Variants in ST18 observed in about 807,000 individuals in gnomAD.
The protein encoded by ST18 is suppression of tumorigenicity 18 protein.
ST18 carries 50 observed loss-of-function variants against 110.0 expected under a neutral mutation model. The ratio of observed to expected loss-of-function variants is 0.45; its 90% confidence interval spans 0.36 to 0.58. The LOEUF (loss-of-function observed/expected upper bound fraction) is 0.58, where lower values mean the gene tolerates loss of function less well. ST18 is among the 20% of genes least tolerant of loss of function. ST18 has a pLI of 0.00. For synonymous variants in ST18, 461 were observed against 452.4 expected (o/e 1.02, Z -0.24); for missense variants, 1,306 against 1,280.1 (o/e 1.02, Z -0.31).
intron 18 of ST18, among the ~76,000 whole-genome samples, chr8:52,136,967 G>A (rs1445830231): frequency 6.6e-6 from 1 of 152,180 alleles, no homozygotes; most frequent in Non-Finnish European, 1.5e-5. Flanking sequence ...GCACAGCCAG[G>A]TGATGGTGCT....
chr8:52,365,308 A>G (rs1353482390), intron 2 of ST18, among the ~76,000 whole-genome samples: 2 of 152,192 alleles, frequency 1.3e-5, no homozygotes, highest in Non-Finnish European at 2.9e-5. Context: ...CCAAAGCTAA[A>G]TGACTGACTC....
intron 2 of ST18, among the ~76,000 whole-genome samples, chr8:52,330,938 A>G (rs2140065517): frequency 6.6e-6 from 1 of 152,316 alleles, no homozygotes; most frequent in South Asian, 2.1e-4. Flanking sequence ...AGACAGAGAG[A>G]TGGAGAGGCA....
chr8:52,349,990 T>C (rs541391071), intron 2 of ST18, among the ~76,000 whole-genome samples: 30 of 152,084 alleles, frequency 2.0e-4, no homozygotes, highest in African/African-American at 6.7e-4. Flanking sequence ...GATCAGGAAT[T>C]CAACACAGCA....
intron 8 of ST18, among the ~76,000 whole-genome samples, chr8:52,207,931 A>G (rs1157886431): frequency 6.6e-6 from 1 of 152,244 alleles, no homozygotes; most frequent in African/African-American, 2.4e-5. Flanking sequence ...AATAAAAGAA[A>G]AGAGCAGAGA....
intron 8 of ST18, among the ~76,000 whole-genome samples, chr8:52,204,342 A>C (rs1449640829): frequency 1.3e-5 from 2 of 152,224 alleles, no homozygotes; most frequent in African/African-American, 4.8e-5. Context: ...AGTAAAGTCC[A>C]ACCTATGGTC....
intron 25 of ST18, among the ~76,000 whole-genome samples, chr8:52,113,954 G>GTTTTTTTTTTTTTTTTTTTTTTTTTTTTT (rs1158213340): frequency 2.2e-5 from 1 of 45,422 alleles, no homozygotes; most frequent in African/African-American, 8.2e-5. Context: ...TTCATACCGT[G>GTTTTTTTTTTTTTTTTTTTTTTTTTTTTT]TTTTTTTTTT....
In ST18 at chr8:52,137,425, G is replaced by C; in HGVS notation, c.2227C>G (p.Arg743Gly). 1 of 1,614,108 alleles carries C rather than the reference G, an allele frequency of 6.2e-7. No individual in the cohort carries two copies. Among genetic ancestry groups the C allele is most frequent in the Non-Finnish European group, 8.5e-7 (1 of 1,180,006 alleles). Residue 743 changes from arginine to glycine, a missense_variant, in exon 18 of 26, where the codon CGC (arginine) becomes GGC (glycine). By Grantham distance (125) the Arg-to-Gly change is moderately radical (BLOSUM62 -2). Transcript: ENST00000689386. ...GHVTGNYASH[R>G]SVSGCPLADK... The stretch of plus-strand genomic sequence containing the variant: ...GCACATGAGGTCATTGGGTACCTGC[G>C]ATGAGATGCATAGTTTCCTGTCACG...
chr8:52,346,042 A>T (rs1257002697), intron 2 of ST18, among the ~76,000 whole-genome samples: 1 of 152,052 alleles, frequency 6.6e-6, no homozygotes, highest in Non-Finnish European at 1.5e-5. Flanking sequence ...ACCCCAGAGG[A>T]ATTAGAGTAA....
At chr8:52,315,113 C>A (rs1164730675) in intron 2 of ST18, among the ~76,000 whole-genome samples, 1 of 152,140 alleles carries the variant, frequency 6.6e-6, no homozygotes, top group Non-Finnish European at 1.5e-5. Flanking sequence ...CATTGCTTAT[C>A]CAGAAGTAAA....
At chr8:52,265,074 A>G (rs1221761688) in intron 2 of ST18, among the ~76,000 whole-genome samples, 1 of 152,218 alleles carries the variant, frequency 6.6e-6, no homozygotes, top group Non-Finnish European at 1.5e-5. Context: ...GCTGAGAATG[A>G]CTGGGTAAGA....
intron 2 of ST18, among the ~76,000 whole-genome samples, chr8:52,233,498 G>C (rs533139685): frequency 6.6e-6 from 1 of 152,220 alleles, no homozygotes; most frequent in East Asian, 1.9e-4. Flanking sequence ...ACACTCTGTT[G>C]TCATGGTGTA....
Position 52,155,127 on chromosome 8 carries a change from A to G in ST18, c.1806+3771T>C, listed in dbSNP as rs550303479. On this transcript the variant is annotated intron_variant, in intron 15 of 25. Transcript: ENST00000689386. The stretch of plus-strand genomic sequence containing the variant: ...TGAGGCAGGAGAATCACTTGAACCC[A>G]GAAAGCAGAGGTTGCAGTGAGTGAA... 5.3e-5 allele frequency among the ~76,000 whole-genome samples: 8 copies of G among 151,974 alleles called. No individual in the cohort carries two copies. The South Asian group carries it at 1.2e-3, about 24-fold the overall frequency.
At chr8:52,366,559 C>T (rs879616104) in intron 2 of ST18, among the ~76,000 whole-genome samples, 2 of 152,148 alleles carry the variant, frequency 1.3e-5, no homozygotes, top group South Asian at 2.1e-4. Flanking sequence ...GCTATTTCCC[C>T]TGCCTGGGAC....
chr8:52,226,726 T>G (rs916196293), intron 3 of ST18, among the ~76,000 whole-genome samples: 1 of 152,230 alleles, frequency 6.6e-6, no homozygotes, highest in South Asian at 2.1e-4. Context: ...TCAGTAAATC[T>G]ATACTAAACA....
chr8:52,138,596 A>AATG (rs2053476241), intron 17 of ST18, among the ~76,000 whole-genome samples: 1 of 152,206 alleles, frequency 6.6e-6, no homozygotes, highest in Non-Finnish European at 1.5e-5. Context: ...AAATAATAAT[A>AATG]ATCATGTAAG....
At chr8:52,204,451 GC>G (rs1441719530) in intron 8 of ST18, among the ~76,000 whole-genome samples, 1 of 152,152 alleles carries the variant, frequency 6.6e-6, no homozygotes, top group Non-Finnish European at 1.5e-5. Flanking sequence ...TTTCTAGTAA[GC>G]CCCCAGGGGA....
At chr8:52,394,046 A>T (rs1228855174) in intron 2 of ST18, among the ~76,000 whole-genome samples, 5 of 152,134 alleles carry the variant, frequency 3.3e-5, no homozygotes, top group African/African-American at 1.2e-4. Flanking sequence ...AATTCTCATC[A>T]TATCTTCATA....
In ST18 at chr8:52,185,345, C is replaced by G. The variant is rs139989520; in HGVS notation, c.87-5033G>C. Reference sequence around the variant, plus strand: ...ACTCAGTATAGCAATTTCAACTCTCCCCTTCTTTATCTATTAGATTCAATG... The same window carrying G: ...ACTCAGTATAGCAATTTCAACTCTCGCCTTCTTTATCTATTAGATTCAATG... On this transcript the variant is annotated intron_variant, in intron 8 of 25. Coordinates refer to ENST00000689386, the MANE Select transcript of ST18 (RefSeq NM_001352837.2). Among the ~76,000 whole-genome samples, 324 of 152,204 alleles carry G rather than the reference C, an allele frequency of 2.1e-3. 2 individuals carry two copies. Among genetic ancestry groups the G allele is most frequent in the African/African-American group, 7.3e-3 (304 of 41,540 alleles).
chr8:52,166,726 A>G, intron 11 of ST18, 126 bp downstream of exon 11: 1 of 1,266,020 alleles, frequency 7.9e-7, no homozygotes, highest in Non-Finnish European at 1.0e-6. Flanking sequence ...AGCTAGATGG[A>G]ATTGGCTTGA....
Sources: allele counts gnomAD v4.1 joint callset (sites outside exome capture counted in the v4.1 genomes callset), GRCh38; gene constraint gnomAD v4.1.1; transcripts MANE v1.5; gene names NCBI Gene and HGNC (gene_info 2026-07-23, HGNC 2026-07-21).